Variants in LSAMP observed in about 807,000 individuals in gnomAD.
The protein encoded by LSAMP is limbic system-associated membrane protein.
In LSAMP, 7 loss-of-function variants were observed where a neutral mutation model predicts 38.6. That is an observed-to-expected ratio of 0.18 (90% CI 0.10 to 0.34). The LOEUF (loss-of-function observed/expected upper bound fraction) is 0.34. Ranked by LOEUF, LSAMP falls within the 10% of genes least tolerant of loss-of-function variation. LSAMP has a pLI of 1.00. For missense variants in LSAMP, 313 were observed against 420.0 expected (o/e 0.75, Z 2.23); for synonymous variants, 154 against 166.8 (o/e 0.92, Z 0.59).
intron 1 of LSAMP, among the ~76,000 whole-genome samples, chr3:116,121,812 G>A (rs1708881749): frequency 6.6e-6 from 1 of 151,762 alleles, no homozygotes; most frequent in Non-Finnish European, 1.5e-5. Flanking sequence ...GCCACATGCA[G>A]CCCCAGATGG....
intron 1 of LSAMP, among the ~76,000 whole-genome samples, chr3:116,331,741 A>G (rs1344295421): frequency 6.6e-6 from 1 of 152,230 alleles, no homozygotes; most frequent in African/African-American, 2.4e-5. Context: ...GTCCAAATGA[A>G]GATAAATATC....
chr3:115,933,942 A>T (rs1427824755), intron 3 of LSAMP, among the ~76,000 whole-genome samples: 1 of 152,074 alleles, frequency 6.6e-6, no homozygotes, highest in Non-Finnish European at 1.5e-5. Flanking sequence ...CAATAAATGT[A>T]ATTCATTCTT....
chr3:115,818,822 A>ATATATATATATATATATAAATC (rs55828725), intron 6 of LSAMP, among the ~76,000 whole-genome samples: 1 of 125,234 alleles, frequency 8.0e-6, no homozygotes, highest in Admixed American at 8.3e-5. Context: ...ATATATATAT[A>ATATATATATATATATATAAATC]ACTGCAGCAA....
intron 1 of LSAMP, among the ~76,000 whole-genome samples, chr3:116,388,531 T>A (rs899012444): frequency 6.6e-6 from 1 of 152,170 alleles, no homozygotes; most frequent in African/African-American, 2.4e-5. Flanking sequence ...AATATTTTAC[T>A]AAATGCCAAC....
At chr3:116,113,118 G>A (rs1708654402) in intron 1 of LSAMP, among the ~76,000 whole-genome samples, 1 of 152,008 alleles carries the variant, frequency 6.6e-6, no homozygotes, top group Non-Finnish European at 1.5e-5. Context: ...AGTGAAGAGA[G>A]AGAGTAACAG....
intron 3 of LSAMP, among the ~76,000 whole-genome samples, chr3:115,886,341 ATATT>A (rs1368504080): frequency 2.0e-5 from 3 of 152,014 alleles, no homozygotes; most frequent in Admixed American, 1.3e-4. Context: ...CTTAATTTCT[ATATT>A]TATCTTATTG....
intron 1 of LSAMP, among the ~76,000 whole-genome samples, chr3:116,410,462 A>G (rs1397698094): frequency 2.0e-5 from 3 of 151,338 alleles, no homozygotes; most frequent in African/African-American, 7.3e-5. Context: ...GCTAGTTTTA[A>G]AAATCTTTTG....
chr3:116,331,016 A>G (rs989848469), intron 1 of LSAMP, among the ~76,000 whole-genome samples: 2 of 152,160 alleles, frequency 1.3e-5, no homozygotes, highest in Non-Finnish European at 2.9e-5. Flanking sequence ...AGATGTGGAG[A>G]AAGTTAAAAA....
At chr3:115,963,278 T>C (rs986906740) in intron 3 of LSAMP, among the ~76,000 whole-genome samples, 5 of 152,234 alleles carry the variant, frequency 3.3e-5, no homozygotes, top group Non-Finnish European at 5.9e-5. Flanking sequence ...TTGTGTAAAT[T>C]TGTACACTTG....
chr3:115,967,107 A>C (rs1460162491), intron 3 of LSAMP, among the ~76,000 whole-genome samples: 1 of 152,142 alleles, frequency 6.6e-6, no homozygotes, highest in Non-Finnish European at 1.5e-5. Context: ...TCAGGCTGCA[A>C]ATTTTCCAAA....
intron 3 of LSAMP, among the ~76,000 whole-genome samples, chr3:115,912,002 A>G (rs896835279): frequency 1.3e-5 from 2 of 152,164 alleles, no homozygotes. Context: ...TCTTTTGTCC[A>G]TTTTAAAATT....
At chr3:116,438,792 A>T (rs1431241479) in intron 1 of LSAMP, among the ~76,000 whole-genome samples, 3 of 152,218 alleles carry the variant, frequency 2.0e-5, no homozygotes, top group Non-Finnish European at 4.4e-5. Context: ...CATAGACGTT[A>T]TGTAAATCTG....
intron 2 of LSAMP, among the ~76,000 whole-genome samples, chr3:116,059,791 G>A (rs775266545): frequency 1.3e-5 from 2 of 152,152 alleles, no homozygotes; most frequent in Non-Finnish European, 2.9e-5. Flanking sequence ...TCACCTGAAC[G>A]CTCTCTAATG....
intron 1 of LSAMP, among the ~76,000 whole-genome samples, chr3:116,111,355 G>GT (rs1266701879): frequency 6.6e-6 from 1 of 152,196 alleles, no homozygotes; most frequent in African/African-American, 2.4e-5. Flanking sequence ...TTGATCGACA[G>GT]TAAGTTTTAT....
intron 1 of LSAMP, among the ~76,000 whole-genome samples, chr3:116,221,187 A>G (rs2046281001): frequency 1.4e-5 from 2 of 143,384 alleles, no homozygotes; most frequent in South Asian, 2.3e-4. Context: ...GGGCAGCAAT[A>G]TATATAACCG....
At chr3:115,853,409 T>C (rs1442717755) in intron 3 of LSAMP, among the ~76,000 whole-genome samples, 1 of 152,210 alleles carries the variant, frequency 6.6e-6, no homozygotes, top group Non-Finnish European at 1.5e-5. Context: ...AGTTAAATAT[T>C]ATTGGCTTAA....
intron 1 of LSAMP, among the ~76,000 whole-genome samples, chr3:116,207,185 T>C (rs2046081711): frequency 6.6e-6 from 1 of 151,274 alleles, no homozygotes; most frequent in Admixed American, 6.6e-5. Flanking sequence ...TTTTGATCTT[T>C]GTTGGTTTAA....
At chr3:116,074,577 G>A (rs143362626) in intron 2 of LSAMP, among the ~76,000 whole-genome samples, 51 of 152,180 alleles carry the variant, frequency 3.4e-4, no homozygotes, top group African/African-American at 1.2e-3. Context: ...CATTACCCCA[G>A]GGAAAGTTTC....
intron 1 of LSAMP, among the ~76,000 whole-genome samples, chr3:116,249,588 G>A (rs1464189219): frequency 6.6e-6 from 1 of 151,802 alleles, no homozygotes; most frequent in Non-Finnish European, 1.5e-5. Context: ...GTTTCACCAT[G>A]TTGGTCAGGC....
Sources: allele counts gnomAD v4.1 joint callset (sites outside exome capture counted in the v4.1 genomes callset), GRCh38; gene constraint gnomAD v4.1.1; transcripts MANE v1.5; gene names NCBI Gene and HGNC (gene_info 2026-07-23, HGNC 2026-07-21).